The following PPP1R12B variants were observed in gnomAD, a reference collection of about 807,000 sequenced individuals.
PPP1R12B encodes protein phosphatase 1 regulatory subunit 12B.
Under a neutral mutation model 126.1 loss-of-function variants are expected in PPP1R12B, and 76 were observed. The observed-to-expected ratio is 0.60, with a 90% CI of 0.50 to 0.73. The LOEUF (loss-of-function observed/expected upper bound fraction) is 0.73, where lower values mean the gene tolerates loss of function less well. Ranked by LOEUF, PPP1R12B falls within the 30% of genes least tolerant of loss-of-function variation. The pLI, the probability that PPP1R12B is intolerant of heterozygous loss-of-function variation, is 0.00. For missense variants in PPP1R12B, 1,052 were observed against 1,205.1 expected (o/e 0.87, Z 1.88); for synonymous variants, 356 against 434.7 (o/e 0.82, Z 2.25).
At chr1:202,367,965 T>A (rs1467791313) in intron 1 of PPP1R12B, among the ~76,000 whole-genome samples, 1 of 151,896 alleles carries the variant, frequency 6.6e-6, no homozygotes, top group Non-Finnish European at 1.5e-5. Flanking sequence ...AGATCTGTTT[T>A]TTTTTTGTTT....
At chr1:202,438,322 T>C in intron 10 of PPP1R12B, 1 of 1,370,822 alleles carries the variant, frequency 7.3e-7, no homozygotes, top group Admixed American at 1.8e-5. Flanking sequence ...AAAATTTCAG[T>C]ATGGCGGAGG....
rs1163967970 is a variant in PPP1R12B at position 202,472,110 on chromosome 1, A to G, written c.1851-16423A>G. On this transcript the variant is annotated intron_variant, in intron 13 of 23. Transcript: ENST00000608999. Reference sequence around the variant, plus strand: ...AGAGGGATGAAGGAGATCCTTTGTGAGAGGCATGTTCTCATGTGCGTAGGT... The same window carrying G: ...AGAGGGATGAAGGAGATCCTTTGTGGGAGGCATGTTCTCATGTGCGTAGGT... The G allele has an allele frequency of 1.9e-6, 3 of 1,556,958 alleles. No individual in the cohort carries two copies. The African/African-American group carries it at 4.1e-5, about 21-fold the overall frequency.
chr1:202,415,276 A>G (rs1485358114), intron 1 of PPP1R12B, among the ~76,000 whole-genome samples: 1 of 152,126 alleles, frequency 6.6e-6, no homozygotes, highest in Non-Finnish European at 1.5e-5. Context: ...GCCTGCTGGT[A>G]GTTTTTGATG....
At chr1:202,452,916 C>T (rs1333613527) in intron 13 of PPP1R12B, among the ~76,000 whole-genome samples, 7 of 151,818 alleles carry the variant, frequency 4.6e-5, no homozygotes, top group Admixed American at 4.6e-4. Context: ...ATTTTCCCAC[C>T]TCTGCCTTCC....
intron 18 of PPP1R12B, among the ~76,000 whole-genome samples, chr1:202,507,792 G>T (rs1680984196): frequency 6.6e-6 from 1 of 152,138 alleles, no homozygotes; most frequent in Non-Finnish European, 1.5e-5. Flanking sequence ...TTCTCTTTCA[G>T]TTGGAGTCTA....
intron 13 of PPP1R12B, among the ~76,000 whole-genome samples, chr1:202,468,944 A>G (rs1013505657): frequency 2.0e-5 from 3 of 152,208 alleles, no homozygotes; most frequent in African/African-American, 7.2e-5. Flanking sequence ...AAAAAAAGAA[A>G]GGGAAGGTAA....
chr1:202,406,888 T>G (rs1666684893), intron 1 of PPP1R12B, among the ~76,000 whole-genome samples: 1 of 152,202 alleles, frequency 6.6e-6, no homozygotes, highest in African/African-American at 2.4e-5. Flanking sequence ...ACCTTTGAGC[T>G]GAAAGAAAGT....
At chr1:202,575,083 G>A (rs1314874884) in intron 23 of PPP1R12B, 2 of 1,613,560 alleles carry the variant, frequency 1.2e-6, no homozygotes, top group African/African-American at 2.7e-5. Context: ...CCTGACCCGA[G>A]TGGTGGCCAG....
intron 15 of PPP1R12B, 58 bp downstream of exon 15, chr1:202,493,375 G>C: frequency 1.3e-6 from 2 of 1,518,066 alleles, no homozygotes; most frequent in Admixed American, 2.0e-5. Context: ...AGTTTGGGGA[G>C]TATCTTCTTC....
intron 1 of PPP1R12B, among the ~76,000 whole-genome samples, chr1:202,368,512 GC>G (rs1235321322): frequency 6.6e-6 from 1 of 152,046 alleles, no homozygotes; most frequent in Non-Finnish European, 1.5e-5. Flanking sequence ...CACAAGAATA[GC>G]CTAATATGGT....
chr1:202,473,977 T>C (rs1410656187), intron 13 of PPP1R12B: 2 of 531,386 alleles, frequency 3.8e-6, no homozygotes, highest in Admixed American at 2.0e-5. Flanking sequence ...CTTGGAGCGC[T>C]CTTTGTCAAA....
chr1:202,426,290 G>C (rs527736340), intron 4 of PPP1R12B, among the ~76,000 whole-genome samples: 1 of 152,138 alleles, frequency 6.6e-6, no homozygotes. Flanking sequence ...TATATGTGCA[G>C]TTGTTAACTG....
chr1:202,374,974 G>T (rs539139318), intron 1 of PPP1R12B, among the ~76,000 whole-genome samples: 1 of 151,960 alleles, frequency 6.6e-6, no homozygotes, highest in East Asian at 1.9e-4. Flanking sequence ...ACAGAGGCTC[G>T]TTCTGTCGCC....
chr1:202,499,262 ATT>A (rs1167532807), intron 18 of PPP1R12B, among the ~76,000 whole-genome samples: 1 of 150,318 alleles, frequency 6.7e-6, no homozygotes, highest in Admixed American at 6.6e-5. Flanking sequence ...GTAATATTTA[ATT>A]TTTTTTTTGA....
intron 1 of PPP1R12B, among the ~76,000 whole-genome samples, chr1:202,400,218 G>C (rs932230125): frequency 1.3e-5 from 2 of 152,166 alleles, no homozygotes; most frequent in African/African-American, 4.8e-5. Flanking sequence ...CACATAACTA[G>C]GAGATTTCTA....
chr1:202,483,763 T>TAATA (rs1008305043), intron 13 of PPP1R12B, among the ~76,000 whole-genome samples: 6 of 152,212 alleles, frequency 3.9e-5, no homozygotes, highest in African/African-American at 1.4e-4. Context: ...CCTTTACCTC[T>TAATA]AATAATATTT....
intron 19 of PPP1R12B, chr1:202,562,519 C>T: frequency 3.5e-6 from 2 of 578,762 alleles, no homozygotes; most frequent in Non-Finnish European, 6.5e-6. Flanking sequence ...TAAGTCAGCT[C>T]ATAGGTCCAA....
rs1669402571 is a variant in PPP1R12B, at chr1:202,425,627, G to A, written c.603G>A (p.Gln201=). ...AGCAGATGTTGCAGGATGCCCGCCA[G>A]TGGCTCAACAGTGGGAAAATAGAGG... The part of the protein sequence containing the change: ...EEQQMLQDAR[Q]WLNSGKIEDV... Residue 201 remains glutamine (Q), a synonymous_variant, in exon 4 of 24, where the codon CAG becomes CAA. Transcript: ENST00000608999. 1 of 1,613,986 alleles carries A rather than the reference G, an allele frequency of 6.2e-7. No homozygotes were observed. Among genetic ancestry groups the A allele is most frequent in the Middle Eastern group, 1.7e-4 (1 of 6,056 alleles).
intron 12 of PPP1R12B, among the ~76,000 whole-genome samples, chr1:202,446,254 A>ATTT (rs879273755): frequency 0.032 from 1,519 of 47,054 alleles, 56 homozygotes; most frequent in African/African-American, 0.088. Context: ...ATATATATAT[A>ATTT]TATTTTTTTT....
Sources: allele counts gnomAD v4.1 joint callset (sites outside exome capture counted in the v4.1 genomes callset), GRCh38; gene constraint gnomAD v4.1.1; transcripts MANE v1.5; gene names NCBI Gene and HGNC (gene_info 2026-07-23, HGNC 2026-07-21).